Variants in BBX observed in about 807,000 individuals in gnomAD.
BBX encodes BBX high mobility group box domain containing.
A neutral mutation model predicts 100.2 loss-of-function variants in BBX; 30 were observed. That is an observed-to-expected ratio of 0.30 (90% confidence interval 0.22 to 0.41). The LOEUF (loss-of-function observed/expected upper bound fraction) is 0.41. BBX is among the 10% of genes least tolerant of loss of function. The pLI is 1.00. For synonymous variants in BBX, 376 were observed against 388.1 expected, an observed-to-expected ratio of 0.97 and a Z score of 0.37; for missense variants, 1,023 against 1,129.8, an observed-to-expected ratio of 0.91 and a Z score of 1.35.
intron 2 of BBX, among the ~76,000 whole-genome samples, chr3:107,606,423 T>C (rs558087047): frequency 1.1e-3 from 162 of 152,344 alleles, no homozygotes; most frequent in African/African-American, 3.5e-3. Flanking sequence ...GTTTGGTTAA[T>C]ACAGGTTGAT....
At position 107,806,169 on chromosome 3, in the gene BBX, T is replaced by C. The variant is rs1215358694; in HGVS notation, c.*712T>C. Reference sequence around the variant, plus strand: ...AAATTACAACTCTTACAATCTGAATTTTTTTCTTAGCCTTGAGTGACCAAG... The same window carrying C: ...AAATTACAACTCTTACAATCTGAATCTTTTTCTTAGCCTTGAGTGACCAAG... On this transcript the variant is annotated 3_prime_UTR_variant, in exon 18 of 18. Transcript: ENST00000325805. The C allele has an allele frequency of 6.6e-6, 1 of 152,104 alleles. No homozygotes were observed. The highest frequency in any genetic ancestry group is 1.5e-5 in the Non-Finnish European group (1 of 68,008). 9.4% of individuals were successfully genotyped at this position (152,104 alleles called of 1,614,324 possible). A position where few individuals can be genotyped will look rare whatever the true frequency, so the allele number is the denominator to read the frequency against.
At position 107,572,664 on chromosome 3, in the gene BBX, A is replaced by G. The variant is rs187978423; in HGVS notation, c.-84+46266A>G. ...TAAACAGGCTGATTTTAAAAGTAACATATAAATTATCAACCCTCAAATAAA... is the reference window on the plus strand; with the variant it reads ...TAAACAGGCTGATTTTAAAAGTAACGTATAAATTATCAACCCTCAAATAAA... On this transcript the variant is annotated intron_variant, in intron 2 of 17. Coordinates refer to ENST00000325805, the MANE Select transcript of BBX (RefSeq NM_001142568.3). 2.2e-3 allele frequency among the ~76,000 whole-genome samples: 337 copies of G among 152,302 alleles called. 1 individual carries two copies. The highest frequency in any genetic ancestry group is 7.4e-3 in the African/African-American group (307 of 41,556).
intron 2 of BBX, among the ~76,000 whole-genome samples, chr3:107,562,509 T>G (rs2050581080): frequency 6.6e-6 from 1 of 152,202 alleles, no homozygotes; most frequent in Admixed American, 6.5e-5. Context: ...ATGTAGTAAT[T>G]CATTTAGTTT....
intron 10 of BBX, among the ~76,000 whole-genome samples, chr3:107,765,994 A>G (rs2066359095): frequency 1.1e-5 from 1 of 89,694 alleles, no homozygotes; most frequent in South Asian, 3.4e-4. Context: ...TGATTTTCAT[A>G]TTAGTAGACA....
intron 2 of BBX, among the ~76,000 whole-genome samples, chr3:107,583,717 G>T (rs1357828821): frequency 6.7e-6 from 1 of 150,238 alleles, no homozygotes; most frequent in Admixed American, 6.7e-5. Flanking sequence ...TCAGGCTTAA[G>T]AAATGTTTAT....
intron 5 of BBX, among the ~76,000 whole-genome samples, chr3:107,717,572 G>A (rs1396846270): frequency 6.6e-6 from 1 of 152,152 alleles, no homozygotes; most frequent in Non-Finnish European, 1.5e-5. Context: ...GGAACAGGAT[G>A]TACTGCAAGG....
intron 2 of BBX, among the ~76,000 whole-genome samples, chr3:107,528,858 A>G (rs553669923): frequency 1.3e-5 from 2 of 152,352 alleles, no homozygotes; most frequent in African/African-American, 4.8e-5. Context: ...ATTTTTAATT[A>G]CTAGTCAATA....
intron 2 of BBX, among the ~76,000 whole-genome samples, chr3:107,584,197 T>C (rs1453906810): frequency 3.4e-5 from 2 of 59,648 alleles, no homozygotes; most frequent in African/African-American, 1.2e-4. Flanking sequence ...ATATATGATA[T>C]ATATATTATT....
At chr3:107,593,456 C>T (rs1402229514) in intron 2 of BBX, among the ~76,000 whole-genome samples, 1 of 152,170 alleles carries the variant, frequency 6.6e-6, no homozygotes, top group Non-Finnish European at 1.5e-5. Context: ...AGAGTAAGTT[C>T]AGTGTCAATG....
rs2070034639 is a variant in BBX at position 107,798,754 on chromosome 3, A to C, written c.2551+34A>C. On this transcript the variant is annotated intron_variant, in intron 16 of 17. Coordinates refer to ENST00000325805, the MANE Select transcript of BBX (RefSeq NM_001142568.3). ...AGAGAGCTTTAGACCAGAGGTGTCC[A>C]ATCTTTTAGCTTCCCTGGGCCACAC... 2.5e-6 allele frequency: 4 copies of C among 1,595,996 alleles called. No individual in the cohort carries two copies. The South Asian group carries it at 3.3e-5, about 13-fold the overall frequency.
intron 2 of BBX, among the ~76,000 whole-genome samples, chr3:107,585,456 G>A (rs1177181127): frequency 6.6e-6 from 1 of 151,968 alleles, no homozygotes; most frequent in Non-Finnish European, 1.5e-5. Context: ...GCTAATGAAG[G>A]CTTAGCTTCT....
intron 13 of BBX, among the ~76,000 whole-genome samples, chr3:107,789,500 G>C (rs2068765779): frequency 6.6e-6 from 1 of 152,120 alleles, no homozygotes; most frequent in Admixed American, 6.5e-5. Context: ...TGCTGTTATT[G>C]GTTGTAGTTT....
At chr3:107,662,034 A>C (rs2058474489) in intron 3 of BBX, 1 of 387,272 alleles carries the variant, frequency 2.6e-6, no homozygotes, top group Non-Finnish European at 3.5e-6. Flanking sequence ...AGGACACAGG[A>C]CAGAAGAAAT....
intron 3 of BBX, among the ~76,000 whole-genome samples, chr3:107,695,543 G>T (rs1251217147): frequency 6.7e-6 from 1 of 148,514 alleles, no homozygotes; most frequent in African/African-American, 2.6e-5. Flanking sequence ...TAGTTTGATT[G>T]CACTGTGGTC....
intron 2 of BBX, among the ~76,000 whole-genome samples, chr3:107,601,098 A>C (rs2054035051): frequency 6.6e-6 from 1 of 152,164 alleles, no homozygotes; most frequent in African/African-American, 2.4e-5. Context: ...TGTTGTTACT[A>C]TTGTAATTGT....
chr3:107,702,913 G>T (rs2061168419), intron 3 of BBX, among the ~76,000 whole-genome samples: 1 of 152,166 alleles, frequency 6.6e-6, no homozygotes, highest in Non-Finnish European at 1.5e-5. Flanking sequence ...TGTGGCGGGT[G>T]TGGAGAGCAG....
intron 2 of BBX, among the ~76,000 whole-genome samples, chr3:107,610,741 G>A (rs919976158): frequency 6.7e-6 from 1 of 148,996 alleles, no homozygotes; most frequent in Non-Finnish European, 1.5e-5. Flanking sequence ...CCCTTCATGT[G>A]TCTTTATATG....
At position 107,674,559 on chromosome 3, in the gene BBX, G is replaced by A. The variant is rs16853763; in HGVS notation, c.-10+28650G>A. Among the ~76,000 whole-genome samples, 1,284 of 152,258 alleles carry A rather than the reference G, an allele frequency of 8.4e-3. 24 individuals are homozygous for A. The highest frequency in any genetic ancestry group is 0.029 in the African/African-American group (1,224 of 41,542). ...GGGAAGACATTGAGGCGTGCGATGC[G>A]TAGAATTGCTTTGACTCACTTCTTT... On this transcript the variant is annotated intron_variant, in intron 3 of 17. Coordinates refer to ENST00000325805, the MANE Select transcript of BBX (RefSeq NM_001142568.3).
intron 2 of BBX, among the ~76,000 whole-genome samples, chr3:107,548,726 G>A (rs570643353): frequency 1.4e-4 from 21 of 152,254 alleles, no homozygotes; most frequent in East Asian, 3.9e-4. Context: ...TAGCAAAGAC[G>A]TGGAATCAAC....
Sources: gnomAD v4.1 joint callset for allele counts (sites outside exome capture counted in the v4.1 genomes callset) on GRCh38, gnomAD v4.1.1 for gene constraint, MANE v1.5 for transcripts, NCBI Gene and HGNC (gene_info 2026-07-23, HGNC 2026-07-21) for gene names.